The following GRB10 variants were observed in gnomAD, a reference collection of about 807,000 sequenced individuals.
GRB10 encodes growth factor receptor-bound protein 10.
In GRB10, 20 loss-of-function variants were observed where a neutral mutation model predicts 80.9. That is an observed-to-expected ratio of 0.25 (90% CI 0.17 to 0.36). The LOEUF (loss-of-function observed/expected upper bound fraction) is 0.36. GRB10 is among the 10% of genes least tolerant of loss of function. The pLI, the probability that GRB10 is intolerant of heterozygous loss-of-function variation, is 1.00. For synonymous variants in GRB10, 291 were observed against 291.5 expected, an observed-to-expected ratio of 1.00 and a Z score of 0.02; for missense variants, 548 against 747.7, an observed-to-expected ratio of 0.73 and a Z score of 3.12.
chr7:50,621,998 G>A (rs1296309256), intron 8 of GRB10, among the ~76,000 whole-genome samples: 8 of 152,184 alleles, frequency 5.3e-5, no homozygotes, highest in African/African-American at 1.7e-4. Flanking sequence ...TGGCAGAGCC[G>A]GTGCACGGAA....
chr7:50,605,383 G>C lies in GRB10; in HGVS notation c.1296C>G (p.Leu432=), dbSNP rs369436717. The change falls in exon 15 of 19, where the codon CTC becomes CTG. Residue 432 remains leucine (L), a synonymous_variant. Coordinates refer to ENST00000401949, the MANE Select transcript of GRB10 (RefSeq NM_001350814.2). The part of the protein sequence containing the change: ...TPVRSVSENS[L]VAMDFSGQTG... ...TTTGCCCAGAAAAATCCATTGCCAC[G>C]AGGGAGTTCTCGGAGACACTGCGCT... 1 of 1,614,064 alleles carries C rather than the reference G, an allele frequency of 6.2e-7. No homozygotes were observed. The highest frequency in any genetic ancestry group is 8.5e-7 in the Non-Finnish European group (1 of 1,180,020).
At chr7:50,715,960 G>A (rs973272686) in intron 4 of GRB10, among the ~76,000 whole-genome samples, 1 of 152,182 alleles carries the variant, frequency 6.6e-6, no homozygotes, top group Non-Finnish European at 1.5e-5. Context: ...GCAGGGAGGG[G>A]GAATCTCCCT....
rs10464785 is a variant in GRB10, at chr7:50,642,868, T to A, written c.505-15890A>T. On this transcript the variant is annotated intron_variant, in intron 7 of 18. Transcript: ENST00000401949. ...AAGGAACAAAAAATAATAACTGATA[T>A]TCCTTCAAGCAGAATGCCTACTCAA... Among the ~76,000 whole-genome samples the A allele has an allele frequency of 1.1e-3, 162 of 152,292 alleles. 1 individual carries two copies. The East Asian group carries it at 0.027, about 25-fold the overall frequency.
At chr7:50,777,558 CT>C (rs201208024) in intron 2 of GRB10, among the ~76,000 whole-genome samples, 69 of 147,340 alleles carry the variant, frequency 4.7e-4, no homozygotes, top group South Asian at 3.4e-3. Flanking sequence ...CTCAATACAG[CT>C]TTTTTTTTTA....
Position 50,738,300 on chromosome 7 carries a change from T to A in GRB10, c.-46-5932A>T, listed in dbSNP as rs185945648. Among the ~76,000 whole-genome samples, 7 of 152,244 alleles carry A rather than the reference T, an allele frequency of 4.6e-5. No homozygotes were observed. The East Asian group carries it at 1.3e-3, about 29-fold the overall frequency. ...CTTCTAAGCATATAATACAAACTAA[T>A]CAAAAGCAGAGGCTCAGGTACTTCT... On this transcript the variant is annotated intron_variant, in intron 3 of 18. Coordinates refer to ENST00000401949, the MANE Select transcript of GRB10 (RefSeq NM_001350814.2).
At chr7:50,602,573 G>A (rs1019813606) in intron 17 of GRB10, among the ~76,000 whole-genome samples, 4 of 152,140 alleles carry the variant, frequency 2.6e-5, no homozygotes, top group Admixed American at 1.3e-4. Flanking sequence ...AACAAAAGAT[G>A]TTTAAAAAAA....
chr7:50,702,826 G>A (rs1445931873), intron 5 of GRB10, among the ~76,000 whole-genome samples: 1 of 152,194 alleles, frequency 6.6e-6, no homozygotes, highest in Non-Finnish European at 1.5e-5. Context: ...GCCTTAAAGA[G>A]TTCTTTCAGT....
chr7:50,668,921 C>A (rs983218375), intron 7 of GRB10, among the ~76,000 whole-genome samples: 4 of 152,226 alleles, frequency 2.6e-5, no homozygotes, highest in African/African-American at 9.6e-5. Context: ...CATGGATCTA[C>A]TTTAAGTAGA....
intron 2 of GRB10, among the ~76,000 whole-genome samples, chr7:50,758,381 G>T (rs61362162): frequency 6.6e-6 from 1 of 152,214 alleles, no homozygotes; most frequent in Non-Finnish European, 1.5e-5. Flanking sequence ...TTAAACTTGA[G>T]ATCTTAAAGA....
At chr7:50,778,300 T>C (rs761658468) in intron 2 of GRB10, among the ~76,000 whole-genome samples, 1 of 152,198 alleles carries the variant, frequency 6.6e-6, no homozygotes, top group Non-Finnish European at 1.5e-5. Flanking sequence ...TTAGCTCCTG[T>C]AGTATCTAAA....
At chr7:50,717,246 C>A (rs770814008) in intron 4 of GRB10, among the ~76,000 whole-genome samples, 2 of 152,210 alleles carry the variant, frequency 1.3e-5, no homozygotes, top group Admixed American at 6.5e-5. Flanking sequence ...AAGTCTTCAC[C>A]ATTCCTTCCA....
chr7:50,663,699 G>T (rs1170161826), intron 7 of GRB10, among the ~76,000 whole-genome samples: 1 of 152,230 alleles, frequency 6.6e-6, no homozygotes, highest in Non-Finnish European at 1.5e-5. Flanking sequence ...TTTTGTAGCT[G>T]CATGTGCAGA....
intron 7 of GRB10, among the ~76,000 whole-genome samples, chr7:50,639,218 T>C (rs1000963346): frequency 2.0e-5 from 3 of 152,212 alleles, no homozygotes; most frequent in Admixed American, 6.5e-5. Flanking sequence ...GTAGCAAACC[T>C]GCACATACAC....
rs1013484232 is a variant in GRB10 at position 50,612,822 on chromosome 7, A to G, written c.1113T>C (p.Asn371=). The G allele has an allele frequency of 6.2e-7, 1 of 1,613,710 alleles. No individual in the cohort carries two copies. The highest frequency in any genetic ancestry group is 8.5e-7 in the Non-Finnish European group (1 of 1,179,784). The stretch of plus-strand genomic sequence containing the variant: ...AGAGCAACCTCAGCTCTTTAGTTTC[A>G]TTCCTGACTTTGTTTGGCTACAGGA... ...GLCIKPNKVR[N]ETKELRLLCA... The change falls in exon 13 of 19, where the codon AAT becomes AAC. Residue 371 remains asparagine, a synonymous_variant. Transcript: ENST00000401949.
chr7:50,654,772 G>T (rs1230748238), intron 7 of GRB10, among the ~76,000 whole-genome samples: 1 of 152,074 alleles, frequency 6.6e-6, no homozygotes, highest in Non-Finnish European at 1.5e-5. Flanking sequence ...ACCTACCTAG[G>T]AGAGTGGGTT....
chr7:50,784,257 A>G (rs747079201), upstream of GRB10, among the ~76,000 whole-genome samples: 23 of 152,244 alleles, frequency 1.5e-4, no homozygotes, highest in Non-Finnish European at 2.9e-4. Context: ...GGGAGAAACC[A>G]AAGTGTGGAG....
At chr7:50,746,394 T>C (rs1347845081) in intron 3 of GRB10, among the ~76,000 whole-genome samples, 1 of 152,130 alleles carries the variant, frequency 6.6e-6, no homozygotes, top group Non-Finnish European at 1.5e-5. Context: ...ACTTACGACA[T>C]TTGTGTCTTA....
chr7:50,593,147 G>T (rs369009344), intron 18 of GRB10, 49 bp from the exon 19 acceptor site: 8 of 1,609,154 alleles, frequency 5.0e-6, no homozygotes, highest in Non-Finnish European at 6.8e-6. Context: ...CCACCTCAGG[G>T]AACAGAACGG....
chr7:50,710,962 G>A, intron 4 of GRB10: 2 of 1,492,478 alleles, frequency 1.3e-6, no homozygotes, highest in South Asian at 1.1e-5. Flanking sequence ...TGTGTCCTCA[G>A]CCTGCCCTGT....
Sources: allele counts gnomAD v4.1 joint callset (sites outside exome capture counted in the v4.1 genomes callset), GRCh38; gene constraint gnomAD v4.1.1; transcripts MANE v1.5; gene names NCBI Gene and HGNC (gene_info 2026-07-23, HGNC 2026-07-21).